Variants in MOGAT1 observed in about 807,000 individuals in gnomAD.
The protein encoded by MOGAT1 is monoacylglycerol O-acyltransferase 1, also known as 2-acylglycerol O-acyltransferase 1.
In MOGAT1, 32 loss-of-function variants were observed where a neutral mutation model predicts 31.4. That is an observed-to-expected ratio of 1.02 (90% confidence interval 0.77 to 1.37). The LOEUF (loss-of-function observed/expected upper bound fraction) is 1.37, where lower values mean the gene tolerates loss of function less well. Among genes scored for constraint, MOGAT1 ranks in the 40% most tolerant of loss-of-function variants. The pLI, the probability that MOGAT1 is intolerant of heterozygous loss-of-function variation, is 0.00. For synonymous variants in MOGAT1, 145 were observed against 144.5 expected, an observed-to-expected ratio of 1.00 and a Z score of -0.03; for missense variants, 426 against 402.0, an observed-to-expected ratio of 1.06 and a Z score of -0.51.
At chr2:222,697,245 G>A (rs1486627082) in intron 5 of MOGAT1, among the ~76,000 whole-genome samples, 2 of 152,128 alleles carry the variant, frequency 1.3e-5, no homozygotes, top group Non-Finnish European at 2.9e-5. Context: ...GTCAAATATT[G>A]TTTTAGGTCT....
At chr2:222,686,024 C>G (rs1389413934) in intron 1 of MOGAT1, among the ~76,000 whole-genome samples, 1 of 152,132 alleles carries the variant, frequency 6.6e-6, no homozygotes, top group African/African-American at 2.4e-5. Flanking sequence ...ATTTTTGGAT[C>G]TGTTCCTGGC....
chr2:222,691,685 G>C (rs1337951339), intron 3 of MOGAT1, among the ~76,000 whole-genome samples: 1 of 152,200 alleles, frequency 6.6e-6, no homozygotes, highest in Non-Finnish European at 1.5e-5. Flanking sequence ...CTTGGTCCAA[G>C]GCTGCCCCTC....
At chr2:222,684,068 T>C (rs2106034296) in intron 1 of MOGAT1, among the ~76,000 whole-genome samples, 1 of 152,324 alleles carries the variant, frequency 6.6e-6, no homozygotes, top group South Asian at 2.1e-4. Flanking sequence ...TCTAGTCACC[T>C]AGTTTTTATA....
In MOGAT1 at chr2:222,694,496, C is replaced by T. The variant is rs570004933; in HGVS notation, c.613C>T (p.Arg205Cys). The part of the protein sequence containing the change: ...AHPGKFTLFI[R>C]QRKGFVKIAL... Reference sequence around the variant, plus strand: ...TCCTGGAAAGTTCACTCTGTTCATCCGCCAGCGGAAAGGATTTGTTAAAAT... The same window carrying T: ...TCCTGGAAAGTTCACTCTGTTCATCTGCCAGCGGAAAGGATTTGTTAAAAT... The change falls in exon 4 of 6, where the codon CGC becomes TGC. Residue 205 changes from arginine (R) to cysteine (C), a missense_variant. By Grantham distance (180) the Arg-to-Cys change is radical. Coordinates refer to ENST00000446656, the MANE Select transcript of MOGAT1 (RefSeq NM_058165.3). 4.6e-5 allele frequency: 75 copies of T among 1,613,746 alleles called. 1 individual carries two copies. The East Asian group carries it at 8.7e-4, about 19-fold the overall frequency.
In MOGAT1 at chr2:222,689,429, G is replaced by A; in HGVS notation, c.438G>A (p.Trp146Ter). 6.2e-7 allele frequency: 1 copy of A among 1,614,010 alleles called. No homozygotes were observed. The highest frequency in any genetic ancestry group is 1.1e-5 in the South Asian group (1 of 91,078). The change falls in exon 3 of 6, where the codon TGG becomes TGA. Residue 146 changes from tryptophan to a stop codon, truncating the protein, a stop_gained. Coordinates refer to ENST00000446656, the MANE Select transcript of MOGAT1 (RefSeq NM_058165.3). LOFTEE classifies it high-confidence loss of function. ...CATATCTTCACGTGCTGCCACTTTG[G>A]TTCTGGTGTCCTGTCTTTCGAGAAT... ...FTSYLHVLPL[W>*]FWCPVFREYV... is the part of the protein sequence containing the mutation.
At chr2:222,677,885 A>G in intron 1 of MOGAT1, 1 of 262,838 alleles carries the variant, frequency 3.8e-6, no homozygotes, top group South Asian at 5.2e-5. Flanking sequence ...TCTTGTCTTT[A>G]ATGATCCAGA....
At chr2:222,686,559 A>G (rs1366258064) in intron 1 of MOGAT1, among the ~76,000 whole-genome samples, 5 of 152,180 alleles carry the variant, frequency 3.3e-5, no homozygotes, top group African/African-American at 1.2e-4. Context: ...GGATAGAAGA[A>G]AGCAGAGGAA....
intron 1 of MOGAT1, chr2:222,677,608 C>G (rs1692518496): frequency 3.5e-6 from 1 of 284,364 alleles, no homozygotes; most frequent in Non-Finnish European, 6.8e-6. Context: ...GAGATGTAAA[C>G]TATAAGGAGA....
At chr2:222,676,175 C>T (rs550070820) in intron 1 of MOGAT1, among the ~76,000 whole-genome samples, 64 of 147,142 alleles carry the variant, frequency 4.3e-4, no homozygotes, top group African/African-American at 1.2e-3. Context: ...TAAATACAGA[C>T]GGGGTCTCTC....
At chr2:222,682,992 G>T (rs4673031) in intron 1 of MOGAT1, among the ~76,000 whole-genome samples, 67,055 of 151,554 alleles carry the variant, frequency 0.44, 17,454 homozygotes, top group African/African-American at 0.74. Flanking sequence ...TCGGTGGAGC[G>T]CAGGAGTTTG....
At chr2:222,707,904 C>T (rs1254086578) in intron 5 of MOGAT1, among the ~76,000 whole-genome samples, 1 of 152,184 alleles carries the variant, frequency 6.6e-6, no homozygotes, top group Non-Finnish European at 1.5e-5. Context: ...CTCTTACTGA[C>T]ATGAATCAGA....
intron 1 of MOGAT1, chr2:222,677,921 T>C (rs968901228): frequency 6.2e-5 from 17 of 272,936 alleles, no homozygotes; most frequent in East Asian, 6.0e-4. Context: ...AATAAAATCA[T>C]TGGAAACTCA....
chr2:222,702,349 A>C (rs1692941123), intron 5 of MOGAT1, among the ~76,000 whole-genome samples: 1 of 152,238 alleles, frequency 6.6e-6, no homozygotes, highest in South Asian at 2.1e-4. Context: ...ATAATATTGT[A>C]AAGAGGTTAC....
At chr2:222,673,789 C>T (rs1692458949) in intron 1 of MOGAT1, among the ~76,000 whole-genome samples, 1 of 152,218 alleles carries the variant, frequency 6.6e-6, no homozygotes, top group Admixed American at 6.5e-5. Flanking sequence ...CTGTGTATGG[C>T]TGTGGTGACT....
At chr2:222,695,540 A>G (rs1297702776) in intron 5 of MOGAT1, among the ~76,000 whole-genome samples, 3 of 152,232 alleles carry the variant, frequency 2.0e-5, no homozygotes, top group Admixed American at 2.0e-4. Flanking sequence ...TTTTCAAAAT[A>G]AAGTTTCTAA....
intron 1 of MOGAT1, among the ~76,000 whole-genome samples, chr2:222,688,047 C>T (rs1228693424): frequency 2.6e-5 from 4 of 152,120 alleles, no homozygotes; most frequent in South Asian, 2.1e-4. Context: ...TTTCCTCTAC[C>T]GATTCCTTCC....
Position 222,695,200 on chromosome 2 carries a change from G to A in MOGAT1, c.765G>A (p.Met255Ile). 1 of 1,613,762 alleles carries A rather than the reference G, an allele frequency of 6.2e-7. No individual in the cohort carries two copies. Among genetic ancestry groups the A allele is most frequent in the Non-Finnish European group, 8.5e-7 (1 of 1,179,784 alleles). The change falls in exon 5 of 6, where the codon ATG becomes ATA. Residue 255 changes from methionine to isoleucine, a missense_variant. Transcript: ENST00000446656. ...TTCAGAATAAACTGCAGAAGATCATGGGGTTTGCTTTGCCCCTGTTTCATG... is the reference window on the plus strand; with the variant it reads ...TTCAGAATAAACTGCAGAAGATCATAGGGTTTGCTTTGCCCCTGTTTCATG... ...RTVQNKLQKIMGFALPLFHAR... is the reference protein window; with the variant it reads ...RTVQNKLQKIIGFALPLFHAR...
intron 5 of MOGAT1, among the ~76,000 whole-genome samples, 179 bp from the exon 6 acceptor site, chr2:222,709,557 T>G (rs1228327384): frequency 6.6e-6 from 1 of 152,138 alleles, no homozygotes; most frequent in Non-Finnish European, 1.5e-5. Context: ...AGTTCTTTAT[T>G]TGTTATCAGA....
intron 3 of MOGAT1, among the ~76,000 whole-genome samples, chr2:222,691,811 G>C (rs143366590): frequency 6.6e-6 from 1 of 152,274 alleles, no homozygotes; most frequent in African/African-American, 2.4e-5. Context: ...GTTGACAGCA[G>C]TCTGTTTTGC....
Sources: allele counts gnomAD v4.1 joint callset (sites outside exome capture counted in the v4.1 genomes callset), GRCh38; gene constraint gnomAD v4.1.1; transcripts MANE v1.5; gene names NCBI Gene and HGNC (gene_info 2026-07-23, HGNC 2026-07-21).